Variants in BDNF observed in about 807,000 individuals in gnomAD.
The protein encoded by BDNF is neurotrophic factor BDNF precursor form.
BDNF carries 1 observed loss-of-function variant against 19.5 expected under a neutral mutation model. The ratio of observed to expected loss-of-function variants is 0.05; its 90% CI spans 0.02 to 0.24. The LOEUF is 0.24. Ranked by LOEUF, BDNF falls within the 10% of genes least tolerant of loss-of-function variation. BDNF has a pLI of 1.00. For synonymous variants in BDNF, 100 were observed against 121.6 expected (o/e 0.82, Z 1.17); for missense variants, 195 against 317.6 (o/e 0.61, Z 2.93).
chr11:27,699,925 T>G (rs1275340612), intron 1 of BDNF, among the ~76,000 whole-genome samples: 4 of 152,092 alleles, frequency 2.6e-5, no homozygotes, highest in African/African-American at 7.2e-5. Context: ...AGGCCTTCCC[T>G]CCTCTACTTC....
chr11:27,686,249 G>T (rs1213522163), intron 1 of BDNF, among the ~76,000 whole-genome samples: 1 of 151,992 alleles, frequency 6.6e-6, no homozygotes, highest in Non-Finnish European at 1.5e-5. Flanking sequence ...CATTTGCTTG[G>T]TAGATCTTCC....
intron 1 of BDNF, among the ~76,000 whole-genome samples, chr11:27,662,072 G>A (rs1306591642): frequency 6.6e-6 from 1 of 151,920 alleles, no homozygotes; most frequent in Non-Finnish European, 1.5e-5. Context: ...GTGCAATCTC[G>A]GCTCACTGCA....
At chr11:27,659,021 G>C in intron 1 of BDNF, 1 of 1,077,960 alleles carries the variant, frequency 9.3e-7, no homozygotes, top group Non-Finnish European at 1.1e-6. Flanking sequence ...ATGGTCCTTT[G>C]CAGGAATGTG....
chr11:27,721,274 G>T, intron 1 of BDNF: 1 of 987,072 alleles, frequency 1.0e-6, no homozygotes, highest in Non-Finnish European at 1.6e-6. Flanking sequence ...AAGTTGCACT[G>T]TGTAAAAACC....
intron 1 of BDNF, among the ~76,000 whole-genome samples, chr11:27,708,655 A>C (rs1860207201): frequency 6.6e-6 from 1 of 152,126 alleles, no homozygotes; most frequent in Non-Finnish European, 1.5e-5. Context: ...AGTTAATCAC[A>C]AAAGCAGAAT....
intron 1 of BDNF, among the ~76,000 whole-genome samples, chr11:27,708,101 T>C (rs1860182456): frequency 6.6e-6 from 1 of 152,216 alleles, no homozygotes; most frequent in Non-Finnish European, 1.5e-5. Context: ...TAGGCATGTT[T>C]TCCTGAAGGC....
intron 1 of BDNF, among the ~76,000 whole-genome samples, chr11:27,709,374 T>C (rs922198315): frequency 1.3e-5 from 2 of 152,156 alleles, no homozygotes; most frequent in Non-Finnish European, 2.9e-5. Context: ...CTATAGGATA[T>C]TTAAGAAGTA....
intron 1 of BDNF, among the ~76,000 whole-genome samples, chr11:27,682,782 T>C (rs1361426820): frequency 2.6e-5 from 4 of 152,110 alleles, no homozygotes; most frequent in Non-Finnish European, 5.9e-5. Flanking sequence ...TGTATGTGTG[T>C]CACATTTTCT....
Position 27,656,637 on chromosome 11 carries a change from T to C in BDNF, c.*1184A>G. On this transcript the variant is annotated 3_prime_UTR_variant, in exon 2 of 2. Transcript: ENST00000356660. Reference sequence around the variant, plus strand: ...AGTCTCATGTCACTGGCAATGTGGATTCCTGTTCTGATCTAGGTGTTTCTG... The same window carrying C: ...AGTCTCATGTCACTGGCAATGTGGACTCCTGTTCTGATCTAGGTGTTTCTG... 1.0e-6 allele frequency: 1 copy of C among 985,800 alleles called. No homozygotes were observed. The highest frequency in any genetic ancestry group is 1.2e-6 in the Non-Finnish European group (1 of 829,928). 61.1% of individuals were successfully genotyped at this position (985,800 alleles called of 1,614,324 possible). A position where few individuals can be genotyped will look rare whatever the true frequency, so the allele number is the denominator to read the frequency against.
chr11:27,706,011 C>T (rs1015213319), intron 1 of BDNF, among the ~76,000 whole-genome samples: 22 of 152,074 alleles, frequency 1.4e-4, no homozygotes, highest in African/African-American at 5.1e-4. Flanking sequence ...TTTCCCTTGC[C>T]GTAGGTTTGG....
rs574022744 is a variant in BDNF at position 27,705,922 on chromosome 11, C to T, written c.3+15490G>A. Among the ~76,000 whole-genome samples the T allele has an allele frequency of 4.6e-5, 7 of 152,302 alleles. No individual in the cohort carries two copies. The South Asian group carries it at 1.5e-3, about 32-fold the overall frequency. On this transcript the variant is annotated intron_variant, in intron 1 of 1. Coordinates refer to the BDNF transcript ENST00000314915. ...TTTTAGCCCTTTACATGCTCATATT[C>T]TAGGACATAAGAGTTGTATTTTAAT... is the stretch of plus-strand genomic sequence containing the variant.
intron 1 of BDNF, chr11:27,659,627 CTCTGTGTG>C (rs1174395374): frequency 9.8e-6 from 9 of 917,172 alleles, no homozygotes; most frequent in Admixed American, 9.4e-5. Flanking sequence ...GAGATGTTCT[CTCTGTGTG>C]TGTGTGTGTG....
chr11:27,713,915 T>C (rs1251538703), intron 1 of BDNF, among the ~76,000 whole-genome samples: 1 of 152,220 alleles, frequency 6.6e-6, no homozygotes, highest in Admixed American at 6.5e-5. Flanking sequence ...AAACTGCTGG[T>C]TTTTAGACAC....
chr11:27,696,440 A>G (rs1859004233), intron 1 of BDNF: 1 of 152,248 alleles, frequency 6.6e-6, no homozygotes, highest in African/African-American at 2.4e-5. Flanking sequence ...ATCCTAATAA[A>G]GAAAATTTAT....
upstream of BDNF, chr11:27,700,708 C>G: frequency 8.6e-7 from 1 of 1,164,804 alleles, no homozygotes; most frequent in Non-Finnish European, 1.1e-6. Flanking sequence ...CATCGCCCTG[C>G]GAGTCCTGCG....
chr11:27,676,312 A>G (rs560736232), intron 1 of BDNF, among the ~76,000 whole-genome samples: 6 of 152,318 alleles, frequency 3.9e-5, no homozygotes, highest in South Asian at 4.1e-4. Flanking sequence ...TCCCCTATAC[A>G]GTGGCCCTGT....
chr11:27,690,426 CTTTT>C (rs1564978492), intron 1 of BDNF, among the ~76,000 whole-genome samples: 1 of 151,018 alleles, frequency 6.6e-6, no homozygotes, highest in Non-Finnish European at 1.5e-5. Flanking sequence ...TGATTTTTTT[CTTTT>C]TTTGAGATTC....
At chr11:27,697,156 C>CAGAGAGAGAGAGAG (rs1214718714) in intron 1 of BDNF, among the ~76,000 whole-genome samples, 1 of 69,226 alleles carries the variant, frequency 1.4e-5, no homozygotes, top group Non-Finnish European at 4.8e-5. Flanking sequence ...CACACACACA[C>CAGAGAGAGAGAGAG]ACACACACAG....
intron 1 of BDNF, among the ~76,000 whole-genome samples, chr11:27,669,905 C>T (rs1322144576): frequency 6.7e-6 from 1 of 149,370 alleles, no homozygotes; most frequent in African/African-American, 2.4e-5. Flanking sequence ...TGGAAAAAAA[C>T]TACTTTAAAG....
Sources: gnomAD v4.1 joint callset for allele counts (sites outside exome capture counted in the v4.1 genomes callset) on GRCh38, gnomAD v4.1.1 for gene constraint, MANE v1.5 for transcripts, NCBI Gene and HGNC (gene_info 2026-07-23, HGNC 2026-07-21) for gene names.